Variants in SNAP91 observed in about 807,000 individuals in gnomAD.
The protein encoded by SNAP91 is clathrin coat assembly protein AP180.
In SNAP91, 27 loss-of-function variants were observed where a neutral mutation model predicts 100.3. The observed-to-expected ratio is 0.27, with a 90% CI of 0.20 to 0.37. The LOEUF (loss-of-function observed/expected upper bound fraction) is 0.37, where lower values mean the gene tolerates loss of function less well. Ranked by LOEUF, SNAP91 falls within the 10% of genes least tolerant of loss-of-function variation. SNAP91 has a pLI of 1.00. For missense variants in SNAP91, 986 were observed against 1,123.7 expected, an observed-to-expected ratio of 0.88 and a Z score of 1.75; for synonymous variants, 404 against 398.6, an observed-to-expected ratio of 1.01 and a Z score of -0.16.
intron 26 of SNAP91, among the ~76,000 whole-genome samples, chr6:83,568,641 A>G (rs118041499): frequency 0.034 from 5,142 of 152,264 alleles, 122 homozygotes; most frequent in Non-Finnish European, 0.055. Flanking sequence ...AGGTTTTTAG[A>G]TCTAACTTGG....
chr6:83,588,170 G>A (rs552746745), intron 22 of SNAP91, among the ~76,000 whole-genome samples: 1 of 152,160 alleles, frequency 6.6e-6, no homozygotes, highest in African/African-American at 2.4e-5. Context: ...TTCACATTGT[G>A]CCAAATAAAT....
At chr6:83,590,651 A>G (rs2093615519) in intron 22 of SNAP91, among the ~76,000 whole-genome samples, 1 of 152,188 alleles carries the variant, frequency 6.6e-6, no homozygotes, top group Admixed American at 6.5e-5. Context: ...TTCATATATT[A>G]CGAAATCTAT....
intron 2 of SNAP91, among the ~76,000 whole-genome samples, chr6:83,668,627 G>C (rs554326976): frequency 4.2e-4 from 64 of 152,112 alleles, no homozygotes; most frequent in African/African-American, 1.4e-3. Flanking sequence ...GGGAATTGAA[G>C]AATGAGAACA....
At chr6:83,613,626 T>C (rs909376439) in intron 11 of SNAP91, among the ~76,000 whole-genome samples, 12 of 152,220 alleles carry the variant, frequency 7.9e-5, no homozygotes, top group Non-Finnish European at 1.5e-5. Context: ...TAACGGTGGA[T>C]TCCAGACTCT....
intron 2 of SNAP91, among the ~76,000 whole-genome samples, chr6:83,698,274 C>G (rs1446539208): frequency 6.6e-6 from 1 of 151,006 alleles, no homozygotes; most frequent in Non-Finnish European, 1.5e-5. Flanking sequence ...TTACAGGCAT[C>G]CTTCCACTCA....
chr6:83,641,071 C>T lies in SNAP91; in HGVS notation c.765+25G>A, dbSNP rs764781386. 7.1e-6 allele frequency: 9 copies of T among 1,268,408 alleles called. No homozygotes were observed. In the South Asian group the frequency reaches 1.3e-4, roughly 19 times the overall value. 78.6% of individuals were successfully genotyped at this position (1,268,408 alleles called of 1,614,324 possible). On this transcript the variant is annotated intron_variant, in intron 8 of 29. Coordinates refer to ENST00000369694, the MANE Select transcript of SNAP91 (RefSeq NM_001242792.2). ...GAGCAAATATTTAAAAAATTATATT[C>T]CCAAGAAAACTTAATATTACTTACC...
chr6:83,611,308 C>A (rs777306310), intron 11 of SNAP91: 5 of 320,778 alleles, frequency 1.6e-5, no homozygotes, highest in South Asian at 1.2e-4. Flanking sequence ...ACAGCAACTT[C>A]GATGCTTTTT....
At position 83,584,151 on chromosome 6, in the gene SNAP91, C is replaced by T. The variant is rs146652031; in HGVS notation, c.2015-1795G>A. Among the ~76,000 whole-genome samples the T allele has an allele frequency of 8.5e-3, 1,301 of 152,244 alleles. 16 individuals carry two copies. The highest frequency in any genetic ancestry group is 0.029 in the African/African-American group (1,213 of 41,532). ...TAATGTTGATTTTTAAAAAACATTA[C>T]CCCGTACCTCAAGTTGGAATTTGTC... On this transcript the variant is annotated intron_variant, in intron 22 of 29. Transcript: ENST00000369694.
At chr6:83,619,492 T>C (rs1043533921) in intron 9 of SNAP91, among the ~76,000 whole-genome samples, 4 of 152,106 alleles carry the variant, frequency 2.6e-5, no homozygotes, top group Non-Finnish European at 5.9e-5. Flanking sequence ...TATAACAAAA[T>C]ATAATGAGCA....
intron 14 of SNAP91, among the ~76,000 whole-genome samples, chr6:83,605,185 C>G (rs2095532261): frequency 6.6e-6 from 1 of 151,902 alleles, no homozygotes; most frequent in African/African-American, 2.4e-5. Context: ...TTTTCTGGTA[C>G]AAATAAGAAT....
rs934502075 is a variant in SNAP91 at position 83,661,616 on chromosome 6, G to A, written c.350-12C>T. On this transcript the variant is annotated splice_polypyrimidine_tract_variant and intron_variant, in intron 4 of 29. Transcript: ENST00000369694. ...AGACATATCATAACCTGGGAGAGTG[G>A]AAAGAAGAAATAAAACTAATTAATA... 1 of 1,456,438 alleles carries A rather than the reference G, an allele frequency of 6.9e-7. No homozygotes were observed. The highest frequency in any genetic ancestry group is 9.4e-7 in the Non-Finnish European group (1 of 1,058,714). 90.2% of individuals were successfully genotyped at this position (1,456,438 alleles called of 1,614,324 possible).
chr6:83,575,376 A>G (rs1334649295), intron 25 of SNAP91: 12 of 450,982 alleles, frequency 2.7e-5, no homozygotes, highest in Non-Finnish European at 4.3e-5. Flanking sequence ...TCCTCTATAA[A>G]GAAAAGTATG....
At chr6:83,697,051 C>T (rs964946795) in intron 2 of SNAP91, among the ~76,000 whole-genome samples, 2 of 151,966 alleles carry the variant, frequency 1.3e-5, no homozygotes, top group Admixed American at 6.6e-5. Context: ...GGCAAAAGAA[C>T]CCTAAGTTTT....
intron 9 of SNAP91, among the ~76,000 whole-genome samples, chr6:83,618,193 A>G (rs2096577078): frequency 6.6e-6 from 1 of 151,698 alleles, no homozygotes; most frequent in Non-Finnish European, 1.5e-5. Flanking sequence ...CATTCATGTG[A>G]TTATTATATT....
chr6:83,698,045 T>C (rs2099243521), intron 2 of SNAP91, among the ~76,000 whole-genome samples: 1 of 152,020 alleles, frequency 6.6e-6, no homozygotes, highest in African/African-American at 2.4e-5. Flanking sequence ...TTTTAGAAAT[T>C]AGATTTTAAA....
intron 2 of SNAP91, among the ~76,000 whole-genome samples, chr6:83,698,614 T>C (rs2099253126): frequency 1.3e-5 from 2 of 152,258 alleles, no homozygotes; most frequent in Non-Finnish European, 1.5e-5. Context: ...AGGGAAAATG[T>C]GTTCTGCTCT....
At chr6:83,677,425 A>G (rs1383196780) in intron 2 of SNAP91, among the ~76,000 whole-genome samples, 1 of 152,194 alleles carries the variant, frequency 6.6e-6, no homozygotes, top group Non-Finnish European at 1.5e-5. Flanking sequence ...CCATGAACTC[A>G]CAGAGCTCCA....
rs148344322 is a variant in SNAP91 at position 83,623,387 on chromosome 6, A to T, written c.766-45T>A. 7,121 of 1,397,012 alleles carry T rather than the reference A, an allele frequency of 5.1e-3. 25 individuals are homozygous for T. Among genetic ancestry groups the T allele is most frequent in the Non-Finnish European group, 6.5e-3 (6,584 of 1,006,886 alleles). 86.5% of individuals were successfully genotyped at this position (1,397,012 alleles called of 1,614,324 possible). ...GAAATTAGTAGAACTTTTAAAATTA[A>T]TTTTTTTCATTTAATGGAAGATCAC... On this transcript the variant is annotated intron_variant, in intron 8 of 29. Coordinates refer to ENST00000369694, the MANE Select transcript of SNAP91 (RefSeq NM_001242792.2).
At chr6:83,570,558 G>C (rs532512255) in intron 26 of SNAP91, among the ~76,000 whole-genome samples, 18 of 140,528 alleles carry the variant, frequency 1.3e-4, no homozygotes, top group South Asian at 1.0e-3. Flanking sequence ...CGGGGTGGCG[G>C]GGGGGGAAGT....
Sources: gnomAD v4.1 joint callset for allele counts (sites outside exome capture counted in the v4.1 genomes callset) on GRCh38, gnomAD v4.1.1 for gene constraint, MANE v1.5 for transcripts, NCBI Gene and HGNC (gene_info 2026-07-23, HGNC 2026-07-21) for gene names.